SYT7: variants seen among roughly 807,000 people sequenced by gnomAD.
SYT7 encodes synaptotagmin 7.
A neutral mutation model predicts 75.1 loss-of-function variants in SYT7; 29 were observed. The ratio of observed to expected loss-of-function variants is 0.39; its 90% CI spans 0.29 to 0.53. The LOEUF is 0.53. Among genes scored for constraint, SYT7 ranks in the 20% least tolerant of loss-of-function variants. SYT7 has a pLI of 0.77. For synonymous variants in SYT7, 376 were observed against 401.7 expected (o/e 0.94, Z 0.76); for missense variants, 693 against 953.2 (o/e 0.73, Z 3.59).
chr11:61,540,276 G>A (rs1361003051), intron 6 of SYT7: 5 of 157,534 alleles, frequency 3.2e-5, no homozygotes, highest in African/African-American at 4.8e-5. Flanking sequence ...GGGGCGTCGG[G>A]ACAACCCTCG....
chr11:61,574,147 A>G (rs560615788), intron 1 of SYT7, among the ~76,000 whole-genome samples: 1 of 152,346 alleles, frequency 6.6e-6, no homozygotes, highest in Admixed American at 6.5e-5. Flanking sequence ...ATTGCTTGGT[A>G]CAGGACAATG....
intron 1 of SYT7, among the ~76,000 whole-genome samples, chr11:61,567,338 G>GCCCCCC (rs2063796994): frequency 2.1e-5 from 3 of 142,154 alleles, no homozygotes; most frequent in African/African-American, 9.4e-5. Context: ...GCCATTGAGC[G>GCCCCCC]CCCCGCCCCC....
chr11:61,554,001 G>A (rs1016760797), intron 2 of SYT7, among the ~76,000 whole-genome samples: 1 of 152,074 alleles, frequency 6.6e-6, no homozygotes, highest in African/African-American at 2.4e-5. Flanking sequence ...TTGGGGGACT[G>A]GGGAGAGTAG....
upstream of SYT7, among the ~76,000 whole-genome samples, chr11:61,581,568 A>C (rs1590975211): frequency 6.6e-6 from 1 of 152,210 alleles, no homozygotes; most frequent in African/African-American, 2.4e-5. Flanking sequence ...GGGCAGACGG[A>C]CTGGTGTGTG....
At chr11:61,522,499 C>T (rs545355102) in intron 12 of SYT7, among the ~76,000 whole-genome samples, 15 of 152,182 alleles carry the variant, frequency 9.9e-5, no homozygotes, top group African/African-American at 3.1e-4. Context: ...CAACTTTCTA[C>T]AAGAAGAACA....
rs2063358699 is a variant in SYT7 at position 61,551,751 on chromosome 11, G to A, written c.136-288C>T. 1.3e-5 allele frequency among the ~76,000 whole-genome samples: 2 copies of A among 152,210 alleles called. No individual in the cohort carries two copies. Among genetic ancestry groups the A allele is most frequent in the East Asian group, 3.9e-4 (2 of 5,158 alleles). The stretch of plus-strand genomic sequence containing the variant: ...AGCCCCTCCTGTCTGCCTATCTCCT[G>A]GGGCTCTGGCCTAGCTCCCAGAAAC... On this transcript the variant is annotated intron_variant, in intron 2 of 12. Transcript: ENST00000539008. This position sits in a 1 kb window ranked among gnomAD's most constrained non-coding sequence, Gnocchi z 5.3.
chr11:61,516,306 C>A lies in SYT7; in HGVS notation c.*2321G>T, dbSNP rs952433072. On this transcript the variant is annotated 3_prime_UTR_variant, in exon 13 of 13. Coordinates refer to ENST00000539008, the MANE Select transcript of SYT7 (RefSeq NM_001365809.2). The surrounding 1 kb of genome is among the most constrained non-coding windows in gnomAD (Gnocchi z 4.6). ...GGCGCTGGGGAAGCCCAAGCCTGGT[C>A]GCTAATGTGCCTGGGTGGGGTCTGG... 2 of 152,214 alleles carry A rather than the reference C, an allele frequency of 1.3e-5. No individual in the cohort carries two copies. Among genetic ancestry groups the A allele is most frequent in the African/African-American group, 2.4e-5 (1 of 41,422 alleles). 9.4% of individuals were successfully genotyped at this position (152,214 alleles called of 1,614,324 possible).
chr11:61,557,506 C>T (rs772606015), intron 1 of SYT7, among the ~76,000 whole-genome samples: 5 of 152,148 alleles, frequency 3.3e-5, no homozygotes, highest in Non-Finnish European at 5.9e-5. Context: ...GGGCTCCCTC[C>T]CTCCTCCACT....
In SYT7 at chr11:61,524,437, T is replaced by C. The variant is rs1247971782; in HGVS notation, c.1567A>G (p.Ile523Val). 1 of 1,613,860 alleles carries C rather than the reference T, an allele frequency of 6.2e-7. No homozygotes were observed. The highest frequency in any genetic ancestry group is 1.3e-5 in the African/African-American group (1 of 74,938). ...GTCAGGTCCACCTTGTTAAGGGGGA[T>C]GGACACCTCCCCAATGGGGTCGTTG... Reference protein sequence around the residue: ...SRNDPIGEVSIPLNKVDLTQM... With the variant: ...SRNDPIGEVSVPLNKVDLTQM... Residue 523 changes from isoleucine to valine, a missense_variant, in exon 10 of 13, where the codon ATC becomes GTC. Ile to Val is a conservative substitution (Grantham distance 29). Transcript: ENST00000539008. The surrounding 1 kb of genome is among the most constrained non-coding windows in gnomAD (Gnocchi z 4.1).
Position 61,556,206 on chromosome 11 carries a change from C to A in SYT7, c.33G>T (p.Gly11=), listed in dbSNP as rs1320995046. The change falls in exon 2 of 13, where the codon GGG becomes GGT. Residue 11 remains glycine (G), a splice_region_variant and synonymous_variant. Transcript: ENST00000539008. MYRDPEAASP[G]APSRDVLLVS... is the part of the protein sequence containing the mutation. The stretch of plus-strand genomic sequence containing the variant: ...CCAGCAGGACGTCGCGCGAGGGCGC[C>A]CCTGGGGAGGACAGGTACAGGTCAC... 6.2e-7 allele frequency: 1 copy of A among 1,612,318 alleles called. No individual in the cohort carries two copies.
chr11:61,534,834 C>T (rs533717186), intron 7 of SYT7, among the ~76,000 whole-genome samples: 3 of 147,060 alleles, frequency 2.0e-5, no homozygotes, highest in East Asian at 2.0e-4. Context: ...TGGACACGCA[C>T]GCACCACATA....
chr11:61,558,501 C>T (rs868705823), intron 1 of SYT7, among the ~76,000 whole-genome samples: 1 of 138,492 alleles, frequency 7.2e-6, no homozygotes. Context: ...CACACACACA[C>T]ACATACACAC....
Position 61,518,472 on chromosome 11 carries a change from C to G in SYT7, c.*155G>C. The G allele has an allele frequency of 2.0e-6, 1 of 489,916 alleles. No homozygotes were observed. The highest frequency in any genetic ancestry group is 3.7e-5 in the South Asian group (1 of 27,244). The allele number at this position is 489,916 out of a possible 1,614,324, so 30.3% of individuals were successfully genotyped here. On this transcript the variant is annotated 3_prime_UTR_variant, in exon 13 of 13. Coordinates refer to ENST00000539008, the MANE Select transcript of SYT7 (RefSeq NM_001365809.2). Reference sequence around the variant, plus strand: ...GGATGGGGCTGGTACTTCCTAGAAACGGGGCCCAGTTGAGTCCTGGGACCC... The same window carrying G: ...GGATGGGGCTGGTACTTCCTAGAAAGGGGGCCCAGTTGAGTCCTGGGACCC...
chr11:61,551,594 C>T lies in SYT7; in HGVS notation c.136-131G>A, dbSNP rs560703955. The stretch of plus-strand genomic sequence containing the variant: ...TGGCAACAAGGCCAGGACCAGTGTG[C>T]GAGGCTGTCACCGCGGTGGGGGCCA... On this transcript the variant is annotated intron_variant, in intron 2 of 12. Coordinates refer to ENST00000539008, the MANE Select transcript of SYT7 (RefSeq NM_001365809.2). This position sits in a 1 kb window ranked among gnomAD's most constrained non-coding sequence, Gnocchi z 5.3. The T allele has an allele frequency of 5.5e-6, 5 of 901,496 alleles. No individual in the cohort carries two copies. The highest frequency in any genetic ancestry group is 5.2e-5 in the East Asian group (2 of 38,798). 55.8% of individuals were successfully genotyped at this position (901,496 alleles called of 1,614,324 possible). A position where few individuals can be genotyped will look rare whatever the true frequency, so the allele number is the denominator to read the frequency against.
chr11:61,546,797 G>A lies in SYT7; in HGVS notation c.347+380C>T, dbSNP rs1366468729. 2 of 378,598 alleles carry A rather than the reference G, an allele frequency of 5.3e-6. No homozygotes were observed. Among genetic ancestry groups the A allele is most frequent in the Non-Finnish European group, 1.0e-5 (2 of 196,170 alleles). The allele number at this position is 378,598 out of a possible 1,614,324, so 23.5% of individuals were successfully genotyped here. A position where few individuals can be genotyped will look rare whatever the true frequency, so the allele number is the denominator to read the frequency against. ...CGACCACCGACCACCGAGCAGCCACGGCAGCACACAGCGGGGAGGAAGAAG... is the reference window on the plus strand; with the variant it reads ...CGACCACCGACCACCGAGCAGCCACAGCAGCACACAGCGGGGAGGAAGAAG... On this transcript the variant is annotated intron_variant, in intron 4 of 12. Coordinates refer to ENST00000539008, the MANE Select transcript of SYT7 (RefSeq NM_001365809.2). This position sits in a 1 kb window ranked among gnomAD's most constrained non-coding sequence, Gnocchi z 7.6.
chr11:61,546,533 A>C lies in SYT7; in HGVS notation c.348-278T>G. 1.0e-5 allele frequency: 4 copies of C among 385,900 alleles called. No individual in the cohort carries two copies. The highest frequency in any genetic ancestry group is 1.5e-5 in the Non-Finnish European group (3 of 202,078). 23.9% of individuals were successfully genotyped at this position (385,900 alleles called of 1,614,324 possible). A position where few individuals can be genotyped will look rare whatever the true frequency, so the allele number is the denominator to read the frequency against. Reference sequence around the variant, plus strand: ...CGGGCTGGGGGTCGGAGAACAACGCACCACGACAACGGAGGGGGGGCCCCT... The same window carrying C: ...CGGGCTGGGGGTCGGAGAACAACGCCCCACGACAACGGAGGGGGGGCCCCT... On this transcript the variant is annotated intron_variant, in intron 4 of 12. Transcript: ENST00000539008. This position sits in a 1 kb window ranked among gnomAD's most constrained non-coding sequence, Gnocchi z 7.6.
intron 6 of SYT7, chr11:61,540,906 C>T (rs1436161780): frequency 4.1e-6 from 4 of 985,386 alleles, no homozygotes; most frequent in African/African-American, 1.7e-5. Flanking sequence ...GGCATCTCAT[C>T]TTGTGCAGGC....
At chr11:61,519,641 G>A (rs550757885) in intron 12 of SYT7, among the ~76,000 whole-genome samples, 8 of 152,210 alleles carry the variant, frequency 5.3e-5, no homozygotes, top group African/African-American at 1.7e-4. Context: ...AATAACGGCC[G>A]GAGTCTAGTT....
In SYT7 at chr11:61,517,473, C is replaced by A; in HGVS notation, c.*1154G>T. 2.5e-6 allele frequency: 1 copy of A among 398,738 alleles called. No homozygotes were observed. Among genetic ancestry groups the A allele is most frequent in the East Asian group, 3.6e-5 (1 of 28,058 alleles). The allele number at this position is 398,738 out of a possible 1,614,324, so 24.7% of individuals were successfully genotyped here. The stretch of plus-strand genomic sequence containing the variant: ...AGGTCAGGTGATGGACGATCAGAGA[C>A]CACGCACGATGAGACGGAATGAATG... On this transcript the variant is annotated 3_prime_UTR_variant, in exon 13 of 13. Transcript: ENST00000539008.
Sources: allele counts gnomAD v4.1 joint callset (sites outside exome capture counted in the v4.1 genomes callset), GRCh38; gene constraint gnomAD v4.1.1; non-coding constraint Gnocchi (gnomAD v3.1); transcripts MANE v1.5; gene names NCBI Gene and HGNC (gene_info 2026-07-23, HGNC 2026-07-21).